Variants in TMOD1 observed in about 807,000 individuals in gnomAD.
TMOD1 encodes tropomodulin-1.
A neutral mutation model predicts 40.6 loss-of-function variants in TMOD1; 17 were observed. That is an observed-to-expected ratio of 0.42 (90% CI 0.29 to 0.63). The LOEUF is 0.63. Ranked by LOEUF, TMOD1 falls within the 20% of genes least tolerant of loss-of-function variation. TMOD1 has a pLI of 0.22. For missense variants in TMOD1, 391 were observed against 447.6 expected (o/e 0.87, Z 1.14); for synonymous variants, 181 against 175.0 (o/e 1.03, Z -0.27).
At chr9:97,521,217 C>G (rs1829909870) in intron 1 of TMOD1, among the ~76,000 whole-genome samples, 1 of 152,124 alleles carries the variant, frequency 6.6e-6, no homozygotes, top group Non-Finnish European at 1.5e-5. Context: ...CAGAGACGTG[C>G]TTTTATGATA....
chr9:97,597,464 C>T (rs1826134742), intron 9 of TMOD1, among the ~76,000 whole-genome samples: 2 of 150,972 alleles, frequency 1.3e-5, no homozygotes, highest in South Asian at 4.2e-4. Context: ...TTTGGGAAGC[C>T]GAGGCAGGCA....
At chr9:97,598,727 T>C (rs973533738) in intron 9 of TMOD1, among the ~76,000 whole-genome samples, 1 of 152,206 alleles carries the variant, frequency 6.6e-6, no homozygotes, top group African/African-American at 2.4e-5. Context: ...TTGGTTTTTG[T>C]TGCAGCTCGT....
intron 2 of TMOD1, among the ~76,000 whole-genome samples, chr9:97,524,937 C>T (rs534320636): frequency 2.1e-4 from 32 of 152,246 alleles, no homozygotes; most frequent in African/African-American, 7.5e-4. Flanking sequence ...GAAACACCCT[C>T]ACAGACACAC....
intron 8 of TMOD1, among the ~76,000 whole-genome samples, chr9:97,578,187 C>G (rs142605455): frequency 2.0e-5 from 3 of 152,308 alleles, no homozygotes; most frequent in Non-Finnish European, 4.4e-5. Context: ...TCCCAAGTAA[C>G]TGGGACTACA....
intron 1 of TMOD1, among the ~76,000 whole-genome samples, chr9:97,519,008 T>C (rs1829873496): frequency 1.3e-5 from 2 of 152,188 alleles, no homozygotes; most frequent in Admixed American, 1.3e-4. Flanking sequence ...AACTGGAAAA[T>C]ATTTATTTGA....
chr9:97,556,807 G>A (rs1328743702), intron 4 of TMOD1, among the ~76,000 whole-genome samples: 1 of 152,230 alleles, frequency 6.6e-6, no homozygotes, highest in Non-Finnish European at 1.5e-5. Flanking sequence ...CTATGGAGAA[G>A]AGCCTAGGAG....
intron 4 of TMOD1, chr9:97,555,579 G>C: frequency 6.5e-7 from 1 of 1,537,126 alleles, no homozygotes; most frequent in Non-Finnish European, 8.8e-7. Flanking sequence ...GAGGGGAGCT[G>C]TAAGTCTACA....
intron 9 of TMOD1, among the ~76,000 whole-genome samples, chr9:97,593,387 G>T (rs1464568070): frequency 1.3e-5 from 2 of 152,116 alleles, no homozygotes; most frequent in East Asian, 3.9e-4. Flanking sequence ...TAAGAATGTA[G>T]GATGGTAGAA....
chr9:97,512,133 A>G (rs1829712079), intron 1 of TMOD1, among the ~76,000 whole-genome samples: 1 of 152,138 alleles, frequency 6.6e-6, no homozygotes, highest in Non-Finnish European at 1.5e-5. Flanking sequence ...GAGAAGGCCT[A>G]ATTCACAGCA....
Position 97,557,113 on chromosome 9 carries a change from C to A in TMOD1, c.397+3713C>A, listed in dbSNP as rs987600535. Among the ~76,000 whole-genome samples, 1 of 152,106 alleles carries A rather than the reference C, an allele frequency of 6.6e-6. No homozygotes were observed. Among genetic ancestry groups the A allele is most frequent in the Non-Finnish European group, 1.5e-5 (1 of 68,002 alleles). ...AGCCAGTCCTTGCCTTTGGGAGGCCCAGGAGGTGATGAGGAGGACAGACGA... is the reference window on the plus strand; with the variant it reads ...AGCCAGTCCTTGCCTTTGGGAGGCCAAGGAGGTGATGAGGAGGACAGACGA... On this transcript the variant is annotated intron_variant, in intron 4 of 9. Transcript: ENST00000259365. The surrounding 1 kb of genome is among the most constrained non-coding windows in gnomAD (Gnocchi z 4.4).
At chr9:97,551,014 ATTTTT>A (rs55700746) in intron 3 of TMOD1, among the ~76,000 whole-genome samples, 2,452 of 103,532 alleles carry the variant, frequency 0.024, 25 homozygotes, top group Non-Finnish European at 0.033. Flanking sequence ...ATATATATAT[ATTTTT>A]TTTTTTTTTT....
chr9:97,572,453 G>T (rs1046670148), intron 8 of TMOD1, among the ~76,000 whole-genome samples: 4 of 152,258 alleles, frequency 2.6e-5, no homozygotes, highest in African/African-American at 9.6e-5. Flanking sequence ...GGACCAGGGG[G>T]CTGTGGGGAG....
intron 6 of TMOD1, 134 bp downstream of exon 6, chr9:97,564,302 G>A: frequency 8.3e-7 from 1 of 1,207,168 alleles, no homozygotes. Context: ...TTTCTGCATT[G>A]GGAATAGGGA....
At chr9:97,575,456 T>C (rs1263506734) in intron 8 of TMOD1, among the ~76,000 whole-genome samples, 1 of 152,208 alleles carries the variant, frequency 6.6e-6, no homozygotes, top group African/African-American at 2.4e-5. Context: ...TCCGGACACA[T>C]AACTAGCAAA....
At chr9:97,531,422 C>A (rs1830101221) in intron 2 of TMOD1, among the ~76,000 whole-genome samples, 1 of 151,988 alleles carries the variant, frequency 6.6e-6, no homozygotes, top group Admixed American at 6.6e-5. Context: ...ACCAGCCTGG[C>A]CAACATAGAG....
At chr9:97,598,736 G>C (rs1418421962) in intron 9 of TMOD1, among the ~76,000 whole-genome samples, 2 of 152,162 alleles carry the variant, frequency 1.3e-5, no homozygotes, top group Non-Finnish European at 2.9e-5. Context: ...GTTGCAGCTC[G>C]TATTCATCGA....
chr9:97,585,806 A>AGGCTTCTGC (rs1825858058), intron 8 of TMOD1, among the ~76,000 whole-genome samples: 1 of 137,554 alleles, frequency 7.3e-6, no homozygotes, highest in Non-Finnish European at 1.6e-5. Flanking sequence ...TCGGCTCCTG[A>AGGCTTCTGC]GGCTTCTGCA....
chr9:97,575,327 A>G (rs1397143531), intron 8 of TMOD1, among the ~76,000 whole-genome samples: 1 of 152,232 alleles, frequency 6.6e-6, no homozygotes, highest in Non-Finnish European at 1.5e-5. Context: ...AGAAACTCCT[A>G]ACACATCCGA....
At chr9:97,597,693 T>A (rs1221528337) in intron 9 of TMOD1, among the ~76,000 whole-genome samples, 1 of 2,254 alleles carries the variant, frequency 4.4e-4, no homozygotes, top group Admixed American at 3.1e-3. Context: ...CAAGACTCCG[T>A]CTCAAAAAAA....
Sources: gnomAD v4.1 joint callset for allele counts (sites outside exome capture counted in the v4.1 genomes callset) on GRCh38, gnomAD v4.1.1 for gene constraint, Gnocchi (gnomAD v3.1) non-coding constraint, MANE v1.5 for transcripts, NCBI Gene and HGNC (gene_info 2026-07-23, HGNC 2026-07-21) for gene names.